Variants in OPHN1 observed in about 807,000 individuals in gnomAD.
The protein encoded by OPHN1 is oligophrenin 1.
Under a neutral mutation model 60.7 loss-of-function variants are expected in OPHN1, and 11 were observed. The ratio of observed to expected loss-of-function variants is 0.18; its 90% CI spans 0.11 to 0.30. The LOEUF (loss-of-function observed/expected upper bound fraction) is 0.30. Ranked by LOEUF, OPHN1 falls within the 10% of genes least tolerant of loss-of-function variation. The pLI is 1.00. For synonymous variants in OPHN1, 226 were observed against 222.6 expected, an observed-to-expected ratio of 1.02 and a Z score of -0.14; for missense variants, 449 against 611.0, an observed-to-expected ratio of 0.73 and a Z score of 2.80.
chrX:68,156,342 G>GA (rs750352306), intron 15 of OPHN1, among the ~76,000 whole-genome samples: 29 of 90,543 alleles, frequency 3.2e-4, no homozygotes, highest in East Asian at 2.4e-3. Flanking sequence ...TGGGTAATTT[G>GA]AAAAAAAAAA....
At chrX:68,117,921 G>A (rs971111243) in intron 16 of OPHN1, among the ~76,000 whole-genome samples, 7 of 112,183 alleles carry the variant, frequency 6.2e-5, no homozygotes, top group Non-Finnish European at 1.3e-4. Context: ...ATAATGCAAT[G>A]TGGGGAAGGC....
Position 68,073,310 on chromosome X carries a change from A to T in OPHN1, c.1687-11T>A, listed in dbSNP as rs753334766. The T allele has an allele frequency of 3.7e-5, 44 of 1,191,417 alleles. No homozygotes were observed. The highest frequency in any genetic ancestry group is 4.9e-5 in the Non-Finnish European group (43 of 884,133). ...TGGACCTAAATAGATCTGTGGAGAA[A>T]GAAGGAAGATATCTAGAGAATAATT... is the stretch of plus-strand genomic sequence containing the variant. On this transcript the variant is annotated splice_polypyrimidine_tract_variant and intron_variant, in intron 19 of 24. Coordinates refer to ENST00000355520, the MANE Select transcript of OPHN1 (RefSeq NM_002547.3).
intron 15 of OPHN1, among the ~76,000 whole-genome samples, chrX:68,135,174 C>T (rs1307022463): frequency 9.0e-6 from 1 of 111,669 alleles, no homozygotes; most frequent in Non-Finnish European, 1.9e-5. Flanking sequence ...GGAATATTCA[C>T]GTTCGAAGAT....
At chrX:68,217,361 C>T (rs1390181501) in intron 6 of OPHN1, among the ~76,000 whole-genome samples, 2 of 111,841 alleles carry the variant, frequency 1.8e-5, no homozygotes, top group East Asian at 2.8e-4. Flanking sequence ...GAGGGGCGCC[C>T]GCCATTGCCC....
At chrX:68,210,959 T>A (rs2077582029) in intron 8 of OPHN1, among the ~76,000 whole-genome samples, 1 of 111,215 alleles carries the variant, frequency 9.0e-6, no homozygotes, top group African/African-American at 3.3e-5. Context: ...GCCCATCTAG[T>A]TGGCTCATGT....
At chrX:68,155,496 A>T in intron 15 of OPHN1, among the ~76,000 whole-genome samples, 1 of 111,975 alleles carries the variant, frequency 8.9e-6, no homozygotes, top group Non-Finnish European at 1.9e-5. Flanking sequence ...GCCTTCCGCC[A>T]TGACTGTGAA....
intron 4 of OPHN1, among the ~76,000 whole-genome samples, chrX:68,276,008 A>G (rs2147596193): frequency 9.0e-6 from 1 of 110,972 alleles, no homozygotes; most frequent in African/African-American, 3.3e-5. Context: ...GACAGCCAGC[A>G]CCCAGCAAAA....
intron 5 of OPHN1, 67 bp from the exon 6 acceptor site, chrX:68,234,655 G>T: frequency 1.2e-6 from 1 of 842,887 alleles, no homozygotes; most frequent in Non-Finnish European, 1.8e-6. Context: ...TTAGAAAGGA[G>T]AATGAAGGAG....
At position 68,364,031 on chromosome X, in the gene OPHN1, C is replaced by T. The variant is rs777019604; in HGVS notation, c.155-64935G>A. ...AAAGAATTCTTTGAGCACTAAGGTT[C>T]CTTGAACATGCCCAGTTCTTATTCA... On this transcript the variant is annotated intron_variant, in intron 2 of 24. Transcript: ENST00000355520. 8.9e-5 allele frequency among the ~76,000 whole-genome samples: 10 copies of T among 112,025 alleles called. No individual in the cohort carries two copies. In the South Asian group the frequency reaches 3.7e-3, roughly 42 times the overall value.
chrX:68,234,874 C>A (rs1284629588), intron 5 of OPHN1, among the ~76,000 whole-genome samples: 1 of 112,163 alleles, frequency 8.9e-6, no homozygotes, highest in Admixed American at 9.5e-5. Context: ...AGGGCCTGTG[C>A]AGTAGATATA....
At chrX:68,425,979 C>A (rs1423417447) in intron 2 of OPHN1, among the ~76,000 whole-genome samples, 1 of 109,697 alleles carries the variant, frequency 9.1e-6, no homozygotes. Context: ...TACAGGCACG[C>A]ACCACCATGC....
At chrX:68,209,992 C>CTTTTTTTTTTTTTTT in intron 9 of OPHN1, 161 bp downstream of exon 9, 3 of 447,206 alleles carry the variant, frequency 6.7e-6, no homozygotes, top group Non-Finnish European at 1.2e-5. Context: ...TCAGTTTCTC[C>CTTTTTTTTTTTTTTT]TTTTTTTTTT....
chrX:68,228,327 G>T (rs1273533027), intron 6 of OPHN1, among the ~76,000 whole-genome samples: 1 of 111,527 alleles, frequency 9.0e-6, no homozygotes, highest in Non-Finnish European at 1.9e-5. Flanking sequence ...TCTACCAGAG[G>T]TACAAGGAGG....
chrX:68,107,545 C>T lies in OPHN1; in HGVS notation c.1526+4309G>A, dbSNP rs745898259. 3.5e-3 allele frequency among the ~76,000 whole-genome samples: 392 copies of T among 111,709 alleles called. 3 individuals are homozygous for T. The highest frequency in any genetic ancestry group is 0.012 in the African/African-American group (382 of 30,760). On this transcript the variant is annotated intron_variant, in intron 18 of 24. Transcript: ENST00000355520. ...TCCATTATTTACAATGGCACAATCTCGGCTCACTGCAACCTCTGCCTCCCA... is the reference window on the plus strand; with the variant it reads ...TCCATTATTTACAATGGCACAATCTTGGCTCACTGCAACCTCTGCCTCCCA...
intron 3 of OPHN1, among the ~76,000 whole-genome samples, chrX:68,292,705 C>T (rs895078892): frequency 9.0e-6 from 1 of 111,532 alleles, no homozygotes; most frequent in Admixed American, 9.6e-5. Flanking sequence ...ATCACCTTCT[C>T]ATATGACTTC....
chrX:68,322,786 C>T lies in OPHN1; in HGVS notation c.155-23690G>A, dbSNP rs145633550. 5.3e-3 allele frequency among the ~76,000 whole-genome samples: 588 copies of T among 110,718 alleles called. 2 individuals are homozygous for T. Among genetic ancestry groups the T allele is most frequent in the African/African-American group, 0.018 (544 of 30,417 alleles). ...TGGTTGAAAGAGTGAGACCCTGTCT[C>T]GAAACAAAATAAAACAAAACAGAAA... On this transcript the variant is annotated intron_variant, in intron 2 of 24. Coordinates refer to ENST00000355520, the MANE Select transcript of OPHN1 (RefSeq NM_002547.3).
At chrX:68,210,825 A>G (rs1294306173) in intron 8 of OPHN1, among the ~76,000 whole-genome samples, 1 of 112,207 alleles carries the variant, frequency 8.9e-6, no homozygotes, top group Non-Finnish European at 1.9e-5. Context: ...ATTTAAATCT[A>G]CACAACTAAA....
chrX:68,167,771 G>T (rs962089974), intron 15 of OPHN1, among the ~76,000 whole-genome samples: 1 of 109,175 alleles, frequency 9.2e-6, no homozygotes, highest in Admixed American at 9.9e-5. Flanking sequence ...ATACTGAAGA[G>T]ATATCTGCCC....
At chrX:68,249,071 A>C (rs1475778758) in intron 5 of OPHN1, among the ~76,000 whole-genome samples, 1 of 111,644 alleles carries the variant, frequency 9.0e-6, no homozygotes, top group Admixed American at 9.6e-5. Context: ...TAACTTAATT[A>C]TACATTTTAA....
Sources: gnomAD v4.1 joint callset for allele counts (sites outside exome capture counted in the v4.1 genomes callset) on GRCh38, gnomAD v4.1.1 for gene constraint, MANE v1.5 for transcripts, NCBI Gene and HGNC (gene_info 2026-07-23, HGNC 2026-07-21) for gene names.